PKHD1: variants seen among roughly 807,000 people sequenced by gnomAD.
The protein encoded by PKHD1 is fibrocystin.
A neutral mutation model predicts 412.0 loss-of-function variants in PKHD1; 291 were observed. The observed-to-expected ratio is 0.71, with a 90% CI of 0.64 to 0.78. The LOEUF is 0.78. PKHD1 is among the 30% of genes least tolerant of loss of function. PKHD1 has a pLI of 0.00. For missense variants in PKHD1, 4,825 were observed against 4,950.7 expected (o/e 0.97, Z 0.76); for synonymous variants, 1,777 against 1,821.5 (o/e 0.98, Z 0.62).
At chr6:51,916,745 C>T (rs1016280423) in intron 37 of PKHD1, among the ~76,000 whole-genome samples, 14 of 152,246 alleles carry the variant, frequency 9.2e-5, no homozygotes, top group African/African-American at 3.4e-4. Flanking sequence ...AGCTCCCTTC[C>T]TTTCTGTACC....
At chr6:51,863,575 A>C (rs568054868) in intron 48 of PKHD1, among the ~76,000 whole-genome samples, 8 of 152,302 alleles carry the variant, frequency 5.3e-5, no homozygotes, top group Non-Finnish European at 1.2e-4. Context: ...CTGATGATTG[A>C]ATGGGGGTAG....
At chr6:52,031,700 A>C (rs1369906718) in intron 29 of PKHD1, among the ~76,000 whole-genome samples, 1 of 152,182 alleles carries the variant, frequency 6.6e-6, no homozygotes, top group Non-Finnish European at 1.5e-5. Flanking sequence ...CCTCACGGTC[A>C]TCATCAACAT....
rs766857175 is a variant in PKHD1 at position 52,059,963 on chromosome 6, AG to A, written c.1197del (p.Leu400CysfsTer13). On this transcript the variant is annotated frameshift_variant, in exon 15 of 67. Transcript: ENST00000371117. LOFTEE classifies it high-confidence loss of function. ...GGTTCCTCTGACCAACTGAAATGCA[AG>A]GAAGCTTGGCTATCTGCCTGAATCC... is the stretch of plus-strand genomic sequence containing the variant. The part of the protein sequence containing the change: ...TFWIQADSQA[S>X]LHFSWSEEPR... 7 of 1,604,872 alleles carry A rather than the reference AG, an allele frequency of 4.4e-6. No individual in the cohort carries two copies. Among genetic ancestry groups the A allele is most frequent in the Non-Finnish European group, 6.0e-6 (7 of 1,171,550 alleles).
chr6:51,625,218 G>T (rs1767084618), intron 66 of PKHD1, among the ~76,000 whole-genome samples: 1 of 152,166 alleles, frequency 6.6e-6, no homozygotes, highest in African/African-American at 2.4e-5. Flanking sequence ...AAGGCAAAGT[G>T]CTGGAGAGAG....
intron 43 of PKHD1, among the ~76,000 whole-genome samples, chr6:51,899,876 GACAA>G (rs1352445406): frequency 6.6e-6 from 1 of 152,030 alleles, no homozygotes; most frequent in African/African-American, 2.4e-5. Flanking sequence ...ACCAACAACA[GACAA>G]ACAGAGTGCC....
chr6:51,909,253 T>G, intron 40 of PKHD1, 30 bp downstream of exon 40: 1 of 1,554,830 alleles, frequency 6.4e-7, no homozygotes, highest in Non-Finnish European at 8.9e-7. Flanking sequence ...GAAAGAAACA[T>G]GAGAAAGTCC....
chr6:51,859,926 G>C (rs1583073290), intron 48 of PKHD1, among the ~76,000 whole-genome samples: 2 of 152,272 alleles, frequency 1.3e-5, no homozygotes, highest in Admixed American at 1.3e-4. Context: ...CCAATAATCT[G>C]ATGCAAACTC....
At position 51,659,014 on chromosome 6, in the gene PKHD1, A is replaced by C. The variant is rs749839023; in HGVS notation, c.11112T>G (p.Asn3704Lys). 1.2e-5 allele frequency: 20 copies of C among 1,613,100 alleles called. No homozygotes were observed. The highest frequency in any genetic ancestry group is 2.7e-5 in the African/African-American group (2 of 74,870). Reference protein sequence around the residue: ...ITAQQTGVLENVLNMTIGALL... With the variant: ...ITAQQTGVLEKVLNMTIGALL... ...AGGCCCCGATAGTCATATTCAGAAC[A>C]TTCTCTAGTACCCCAGTCTGTTGAG... Residue 3704 changes from asparagine to lysine, a missense_variant, in exon 61 of 67, where the codon AAT becomes AAG. Physicochemically the swap from Asn to Lys is moderately conservative, Grantham distance 94. Transcript: ENST00000371117.
At position 51,663,709 on chromosome 6, in the gene PKHD1, C is replaced by CAAATAT. The variant is rs1773242455; in HGVS notation, c.10157-3746_10157-3741dup. 2.0e-5 allele frequency among the ~76,000 whole-genome samples: 3 copies of CAAATAT among 152,194 alleles called. No individual in the cohort carries two copies. The South Asian group carries it at 6.2e-4, about 32-fold the overall frequency. ...ATTATAAGACTCTTACTCTATAGTA[C>CAAATAT]AAATATATTTTAAGTCAACTCAGCA... On this transcript the variant is annotated intron_variant, in intron 60 of 66. Transcript: ENST00000371117.
chr6:52,044,315 C>G (rs1183572109), intron 25 of PKHD1, among the ~76,000 whole-genome samples: 1 of 152,152 alleles, frequency 6.6e-6, no homozygotes, highest in East Asian at 1.9e-4. Context: ...TGTGACCCCA[C>G]TGATTCTCTA....
rs1359342866 is a variant in PKHD1 at position 52,044,990 on chromosome 6, C to T, written c.2691G>A (p.Leu897=). 3.7e-6 allele frequency: 6 copies of T among 1,613,474 alleles called. No individual in the cohort carries two copies. In the African/African-American group the frequency reaches 6.7e-5, roughly 18 times the overall value. ...VFLGPIFGDM[L]ATANQHTQVV... ...CCTGAGTATGCTGGTTGGCAGTAGC[C>T]AACATGTCTCCAAATATGGGTCCAA... The change falls in exon 25 of 67, where the codon TTG becomes TTA. Residue 897 remains leucine, a synonymous_variant. Transcript: ENST00000371117.
chr6:51,622,328 C>T (rs1268582196), intron 66 of PKHD1: 1 of 152,216 alleles, frequency 6.6e-6, no homozygotes, highest in African/African-American at 2.4e-5. Context: ...CTCTCTACCT[C>T]CCCCTACCCT....
intron 60 of PKHD1, chr6:51,740,062 T>G (rs756577968): frequency 1.9e-6 from 1 of 517,566 alleles, no homozygotes; most frequent in Non-Finnish European, 3.9e-6. Flanking sequence ...GCCTCCATAA[T>G]CAAAAGAAAT....
At chr6:52,073,799 A>G (rs1305424525) in intron 6 of PKHD1, among the ~76,000 whole-genome samples, 1 of 152,196 alleles carries the variant, frequency 6.6e-6, no homozygotes, top group Non-Finnish European at 1.5e-5. Context: ...GCATAGAAGG[A>G]ATAATGGGTC....
At chr6:51,745,508 T>C (rs1785077027) in intron 59 of PKHD1, among the ~76,000 whole-genome samples, 1 of 152,116 alleles carries the variant, frequency 6.6e-6, no homozygotes, top group Admixed American at 6.6e-5. Context: ...ATTATGCCAG[T>C]GTTTGATCTT....
At chr6:52,051,123 T>G (rs1418874321) in intron 21 of PKHD1, among the ~76,000 whole-genome samples, 1 of 152,200 alleles carries the variant, frequency 6.6e-6, no homozygotes, top group East Asian at 1.9e-4. Context: ...CTTGCTCAGC[T>G]GGGTAGATCA....
Position 52,025,653 on chromosome 6 carries a change from G to A in PKHD1, c.4157C>T (p.Ala1386Val). 6.2e-7 allele frequency: 1 copy of A among 1,614,168 alleles called. No homozygotes were observed. The highest frequency in any genetic ancestry group is 1.7e-5 in the Admixed American group (1 of 60,016). The change falls in exon 32 of 67, where the codon GCA (alanine) becomes GTA (valine). Residue 1386 changes from alanine (A) to valine (V), a missense_variant. Transcript: ENST00000371117. ...ANMSVVLQQF[A>V]VMPRIMAIFP... ...GATGGCCATTATCCGAGGCATCACT[G>A]CAAATTGCTGGAGCACCACAGACAT...
intron 41 of PKHD1, among the ~76,000 whole-genome samples, chr6:51,904,811 C>T (rs1210287351): frequency 6.6e-6 from 1 of 152,188 alleles, no homozygotes; most frequent in African/African-American, 2.4e-5. Context: ...TAAGGTAATA[C>T]TGTTAGGATA....
intron 37 of PKHD1, among the ~76,000 whole-genome samples, chr6:51,916,467 A>T (rs1389907176): frequency 2.0e-5 from 3 of 152,166 alleles, no homozygotes; most frequent in African/African-American, 7.2e-5. Context: ...ATGGTAATAG[A>T]TATCAGCACA....
Sources: gnomAD v4.1 joint callset for allele counts (sites outside exome capture counted in the v4.1 genomes callset) on GRCh38, gnomAD v4.1.1 for gene constraint, MANE v1.5 for transcripts, NCBI Gene and HGNC (gene_info 2026-07-23, HGNC 2026-07-21) for gene names.